MYO7A: variants seen among roughly 807,000 people sequenced by gnomAD.
The protein encoded by MYO7A is myosin VIIA, also known as unconventional myosin-VIIa.
In MYO7A, 210 loss-of-function variants were observed where a neutral mutation model predicts 263.8. The observed-to-expected ratio is 0.80, with a 90% CI of 0.71 to 0.89. The LOEUF (loss-of-function observed/expected upper bound fraction) is 0.89. Among genes scored for constraint, MYO7A ranks in the 40% least tolerant of loss-of-function variants. MYO7A has a pLI of 0.00. For missense variants in MYO7A, 2,820 were observed against 2,968.3 expected, an observed-to-expected ratio of 0.95 and a Z score of 1.16; for synonymous variants, 1,239 against 1,197.3, an observed-to-expected ratio of 1.03 and a Z score of -0.72.
Position 77,147,793 on chromosome 11 carries a change from C to T in MYO7A, c.133-5C>T, listed in dbSNP as rs782789512. ...AGAGCACGCTGACGTTCTGGCTCCC[C>T]GCAGGAACACTGGATCTCTCCGCAG... On this transcript the variant is annotated splice_region_variant and splice_polypyrimidine_tract_variant and intron_variant, in intron 3 of 48. Coordinates refer to ENST00000409709, the MANE Select transcript of MYO7A (RefSeq NM_000260.4). 4.3e-6 allele frequency: 7 copies of T among 1,609,236 alleles called. No homozygotes were observed. The highest frequency in any genetic ancestry group is 4.5e-5 in the East Asian group (2 of 44,790).
chr11:77,167,662 T>C (rs1375689514), intron 15 of MYO7A, among the ~76,000 whole-genome samples: 5 of 152,122 alleles, frequency 3.3e-5, no homozygotes, highest in Admixed American at 3.3e-4. Flanking sequence ...TCCTTTTCTC[T>C]CCTCAGCCCT....
chr11:77,147,915 A>AACCTGCTTATCCGCT lies in MYO7A; in HGVS notation c.254_268dup (p.Leu85_Tyr89dup). ...CCTCAACGAGGCGGGCATCTTGCGC[A>AACCTGCTTATCCGCT]ACCTGCTTATCCGCTACCGGGACCA... On this transcript the variant is annotated inframe_insertion, in exon 4 of 49. Transcript: ENST00000409709. 1 of 1,570,758 alleles carries AACCTGCTTATCCGCT rather than the reference A, an allele frequency of 6.4e-7. No individual in the cohort carries two copies.
At chr11:77,160,840 T>C in intron 11 of MYO7A, 133 bp from the exon 12 acceptor site, 1 of 995,928 alleles carries the variant, frequency 1.0e-6, no homozygotes, top group East Asian at 2.6e-5. Flanking sequence ...ACAGCTCAAG[T>C]AAAGGGTTGG....
intron 15 of MYO7A, among the ~76,000 whole-genome samples, chr11:77,167,752 A>G (rs1953687863): frequency 6.6e-6 from 1 of 152,100 alleles, no homozygotes; most frequent in Non-Finnish European, 1.5e-5. Context: ...CCTGCCTGGC[A>G]GAGTTCTGAA....
chr11:77,187,248 A>G (rs58345245), intron 27 of MYO7A, among the ~76,000 whole-genome samples: 5,524 of 152,294 alleles, frequency 0.036, 342 homozygotes, highest in African/African-American at 0.13. Context: ...AAGTGAGCAC[A>G]TGCTGTTGGA....
intron 15 of MYO7A, among the ~76,000 whole-genome samples, chr11:77,168,006 C>T (rs782243952): frequency 6.6e-6 from 1 of 152,210 alleles, no homozygotes; most frequent in African/African-American, 2.4e-5. Context: ...AAGCCCTGTG[C>T]TGTAAGGTGG....
At chr11:77,194,891 C>T (rs1430402171) in intron 32 of MYO7A, among the ~76,000 whole-genome samples, 2 of 152,168 alleles carry the variant, frequency 1.3e-5, no homozygotes, top group African/African-American at 4.8e-5. Flanking sequence ...AGCCCAACTT[C>T]CCGCCTGGGG....
chr11:77,144,081 G>C (rs1315682900), intron 3 of MYO7A, among the ~76,000 whole-genome samples: 1 of 151,974 alleles, frequency 6.6e-6, no homozygotes, highest in Non-Finnish European at 1.5e-5. Context: ...GTAAGTGATG[G>C]TGCTGGGATT....
chr11:77,209,107 G>C, intron 44 of MYO7A: 1 of 345,704 alleles, frequency 2.9e-6, no homozygotes, highest in Admixed American at 4.2e-5. Context: ...TTGTAACTGG[G>C]TAATTCCAAG....
At chr11:77,135,591 G>A (rs1950882623) in intron 2 of MYO7A, among the ~76,000 whole-genome samples, 2 of 152,162 alleles carry the variant, frequency 1.3e-5, no homozygotes, top group Non-Finnish European at 2.9e-5. Context: ...ATATCCAGAA[G>A]TAGAATTGCT....
At chr11:77,159,590 G>T in intron 10 of MYO7A, 67 bp downstream of exon 10, 20 of 1,480,496 alleles carry the variant, frequency 1.4e-5, no homozygotes, top group Non-Finnish European at 1.8e-5. Context: ...TAAGCTCATT[G>T]GGGGCTGGGA....
chr11:77,172,963 G>A (rs1031126574), intron 16 of MYO7A, 78 bp downstream of exon 16: 193 of 1,475,360 alleles, frequency 1.3e-4, no homozygotes, highest in Non-Finnish European at 1.6e-4. Context: ...AAGGTAGGGT[G>A]GGAGTGAAGG....
chr11:77,154,214 C>T (rs188842440), intron 4 of MYO7A, among the ~76,000 whole-genome samples: 22 of 152,330 alleles, frequency 1.4e-4, no homozygotes, highest in African/African-American at 5.3e-4. Context: ...TGGGTGTTAA[C>T]CTCCCCTTTT....
chr11:77,203,900 G>C (rs1957251836), intron 38 of MYO7A, among the ~76,000 whole-genome samples, 176 bp from the exon 39 acceptor site: 2 of 152,156 alleles, frequency 1.3e-5, no homozygotes, highest in Admixed American at 1.3e-4. Context: ...TGTGGGGCTG[G>C]TGACTGTGAG....
At chr11:77,147,973 C>A in intron 4 of MYO7A, 23 bp downstream of exon 4, 2 of 1,515,760 alleles carry the variant, frequency 1.3e-6, no homozygotes, top group Non-Finnish European at 1.8e-6. Context: ...CCGCCCGGTG[C>A]CCGTCCAGGC....
chr11:77,157,434 T>C, intron 8 of MYO7A, 42 bp downstream of exon 8: 2 of 1,369,322 alleles, frequency 1.5e-6, no homozygotes, highest in Non-Finnish European at 2.0e-6. Context: ...GCACCCACCC[T>C]AGGATTGTAG....
At chr11:77,213,082 AC>A in intron 47 of MYO7A, 47 bp downstream of exon 47, 1 of 1,466,064 alleles carries the variant, frequency 6.8e-7, no homozygotes, top group Non-Finnish European at 9.3e-7. Flanking sequence ...CTCTGCCTGA[AC>A]CACAGACACG....
At chr11:77,202,029 C>T (rs1236894954) in intron 36 of MYO7A, among the ~76,000 whole-genome samples, 1 of 152,154 alleles carries the variant, frequency 6.6e-6, no homozygotes, top group East Asian at 1.9e-4. Flanking sequence ...GACGAGGCAG[C>T]TCTCATACCA....
At chr11:77,188,204 A>G (rs1323863382) in intron 27 of MYO7A, among the ~76,000 whole-genome samples, 3 of 152,196 alleles carry the variant, frequency 2.0e-5, no homozygotes, top group African/African-American at 7.2e-5. Flanking sequence ...GGAGACTCCC[A>G]GCTGCAGGTG....
Sources: gnomAD v4.1 joint callset for allele counts (sites outside exome capture counted in the v4.1 genomes callset) on GRCh38, gnomAD v4.1.1 for gene constraint, MANE v1.5 for transcripts, NCBI Gene and HGNC (gene_info 2026-07-23, HGNC 2026-07-21) for gene names.